GALM: variants seen among roughly 807,000 people sequenced by gnomAD.
GALM encodes the protein aldose 1-epimerase.
In GALM, 43 loss-of-function variants were observed where a neutral mutation model predicts 37.4. The ratio of observed to expected loss-of-function variants is 1.15; its 90% confidence interval spans 0.90 to 1.48. The LOEUF is 1.48. Ranked by LOEUF, GALM falls within the 40% of genes most tolerant of loss-of-function variation. The pLI, the probability that GALM is intolerant of heterozygous loss-of-function variation, is 0.00. For missense variants in GALM, 456 were observed against 419.1 expected (o/e 1.09, Z -0.77); for synonymous variants, 199 against 170.6 (o/e 1.17, Z -1.30).
Position 38,675,969 on chromosome 2 carries a change from TCGCCAAAGGAAC to T in GALM, c.250_261del (p.Ala84_Thr87del). 6.2e-7 allele frequency: 1 copy of T among 1,614,088 alleles called. No homozygotes were observed. The highest frequency in any genetic ancestry group is 1.1e-5 in the South Asian group (1 of 91,082). ...GTTATTGGGAGGGTGGCCAACCGAA[TCGCCAAAGGAAC>T]CTTCAAGGTGGATGGGAAGGAGTAT... is the stretch of plus-strand genomic sequence containing the variant. On this transcript the variant is annotated inframe_deletion, in exon 2 of 7. Coordinates refer to ENST00000272252, the MANE Select transcript of GALM (RefSeq NM_138801.3).
intron 4 of GALM, among the ~76,000 whole-genome samples, chr2:38,713,299 T>C (rs1239470199): frequency 6.6e-6 from 1 of 152,100 alleles, no homozygotes; most frequent in African/African-American, 2.4e-5. Flanking sequence ...GGCAGAAGGG[T>C]TGTCTCTCTC....
At chr2:38,726,255 C>A in intron 4 of GALM, among the ~76,000 whole-genome samples, 1 of 147,572 alleles carries the variant, frequency 6.8e-6, no homozygotes, top group African/African-American at 2.5e-5. Context: ...GAGACGGAGT[C>A]TCGCTCTGTC....
At chr2:38,712,243 C>T (rs1358380854) in intron 4 of GALM, among the ~76,000 whole-genome samples, 1 of 152,168 alleles carries the variant, frequency 6.6e-6, no homozygotes, top group Non-Finnish European at 1.5e-5. Flanking sequence ...TATGTATCTT[C>T]ACCTAGTCAT....
chr2:38,684,973 A>G (rs1046912451), intron 3 of GALM, among the ~76,000 whole-genome samples: 14 of 152,154 alleles, frequency 9.2e-5, no homozygotes, highest in African/African-American at 3.1e-4. Context: ...CTGCTTCCTC[A>G]GTATTTTGGC....
intron 4 of GALM, among the ~76,000 whole-genome samples, chr2:38,723,827 T>C (rs534177603): frequency 3.4e-4 from 52 of 151,868 alleles, no homozygotes; most frequent in African/African-American, 1.2e-3. Context: ...AAACAAAAAA[T>C]ATGTATATCT....
At chr2:38,690,061 T>C (rs1665635820) in intron 4 of GALM, among the ~76,000 whole-genome samples, 167 bp downstream of exon 4, 1 of 152,256 alleles carries the variant, frequency 6.6e-6, no homozygotes. Context: ...ACTGTGTTTA[T>C]GTAAAATGTT....
chr2:38,731,124 G>A (rs779108257), intron 5 of GALM, among the ~76,000 whole-genome samples: 4 of 152,090 alleles, frequency 2.6e-5, no homozygotes, highest in Non-Finnish European at 5.9e-5. Context: ...CTACTCTAGA[G>A]GCTGAGGCAG....
At chr2:38,680,040 T>C (rs1357454887) in intron 2 of GALM, 1 of 455,206 alleles carries the variant, frequency 2.2e-6, no homozygotes, top group African/African-American at 2.0e-5. Context: ...TTTGAGACAA[T>C]GTCTTACTCT....
chr2:38,715,353 A>G (rs1666249164), intron 4 of GALM, among the ~76,000 whole-genome samples: 1 of 152,252 alleles, frequency 6.6e-6, no homozygotes, highest in African/African-American at 2.4e-5. Context: ...TGAGGAAGCT[A>G]AAAATGGGAG....
intron 4 of GALM, among the ~76,000 whole-genome samples, chr2:38,694,422 T>C (rs185592953): frequency 3.9e-5 from 6 of 152,124 alleles, no homozygotes; most frequent in Non-Finnish European, 2.9e-5. Context: ...TGTTCCTTCC[T>C]CCCTTCAATT....
In GALM at chr2:38,733,764, G is replaced by C. The variant is rs373631271; in HGVS notation, c.*199G>C. ...CCAGGCCATGTCTAATGACCAGCTC[G>C]ATTCCCTGTGCAGTTCAGAGGGCAA... On this transcript the variant is annotated 3_prime_UTR_variant, in exon 7 of 7. Transcript: ENST00000272252. 1.7e-6 allele frequency: 1 copy of C among 574,142 alleles called. No individual in the cohort carries two copies. Among genetic ancestry groups the C allele is most frequent in the Non-Finnish European group, 3.2e-6 (1 of 313,190 alleles). 35.6% of individuals were successfully genotyped at this position (574,142 alleles called of 1,614,324 possible). A position where few individuals can be genotyped will look rare whatever the true frequency, so the allele number is the denominator to read the frequency against.
intron 4 of GALM, among the ~76,000 whole-genome samples, chr2:38,724,691 AG>A (rs201340639): frequency 0.019 from 2,891 of 152,270 alleles, 33 homozygotes; most frequent in Middle Eastern, 0.034. Context: ...ATTTTAAGTC[AG>A]GGCTTCTTTG....
At position 38,682,128 on chromosome 2, in the gene GALM, G is replaced by A. The variant is rs111500165; in HGVS notation, c.552+642G>A. ...TTAAGACACTAAAATCAACCCAGCA[G>A]AGGGATAAACCCCAGTGGGGGACCA... On this transcript the variant is annotated intron_variant, in intron 3 of 6. Transcript: ENST00000272252. 3.0e-3 allele frequency: 721 copies of A among 243,322 alleles called. 8 individuals are homozygous for A. The highest frequency in any genetic ancestry group is 0.015 in the African/African-American group (691 of 45,762). 15.1% of individuals were successfully genotyped at this position (243,322 alleles called of 1,614,324 possible).
intron 4 of GALM, among the ~76,000 whole-genome samples, chr2:38,701,963 A>G (rs1224617300): frequency 6.6e-6 from 1 of 152,146 alleles, no homozygotes; most frequent in Non-Finnish European, 1.5e-5. Context: ...CACTGCCTTA[A>G]TTAGTCATCA....
chr2:38,729,350 G>A (rs552293011), intron 4 of GALM, among the ~76,000 whole-genome samples: 1 of 146,314 alleles, frequency 6.8e-6, no homozygotes, highest in Non-Finnish European at 1.5e-5. Flanking sequence ...ACTATGCCTG[G>A]CTAATTTTTT....
intron 1 of GALM, among the ~76,000 whole-genome samples, chr2:38,675,536 T>TG (rs1342933113): frequency 6.3e-4 from 59 of 93,088 alleles, no homozygotes; most frequent in African/African-American, 2.1e-3. Context: ...GTTTTTTTTT[T>TG]TTTTTTTTGT....
chr2:38,727,310 G>A (rs1190802289), intron 4 of GALM, among the ~76,000 whole-genome samples: 1 of 152,018 alleles, frequency 6.6e-6, no homozygotes, highest in Admixed American at 6.5e-5. Flanking sequence ...GGATGGTATC[G>A]CCTGGACCTC....
chr2:38,708,439 A>T (rs1010608871), intron 4 of GALM, among the ~76,000 whole-genome samples: 1 of 152,150 alleles, frequency 6.6e-6, no homozygotes, highest in African/African-American at 2.4e-5. Context: ...AACAGAAAGG[A>T]CTGGTATTGA....
rs138939314 is a variant in GALM, at chr2:38,727,458, G to A, written c.635-2098G>A. Among the ~76,000 whole-genome samples the A allele has an allele frequency of 8.2e-3, 1,245 of 152,080 alleles. 11 individuals carry two copies. Among genetic ancestry groups the A allele is most frequent in the African/African-American group, 0.028 (1,151 of 41,512 alleles). ...AAGAAAAGAAATGGGGCCGGGTGCA[G>A]TGGTTCACGCCTGTAATCCCAGCCC... On this transcript the variant is annotated intron_variant, in intron 4 of 6. Coordinates refer to ENST00000272252, the MANE Select transcript of GALM (RefSeq NM_138801.3).
Sources: allele counts gnomAD v4.1 joint callset (sites outside exome capture counted in the v4.1 genomes callset), GRCh38; gene constraint gnomAD v4.1.1; transcripts MANE v1.5; gene names NCBI Gene and HGNC (gene_info 2026-07-23, HGNC 2026-07-21).